Variants in PCDH15 observed in about 807,000 individuals in gnomAD.
PCDH15 encodes the protein protocadherin related 15, also known as protocadherin-15.
In PCDH15, 129 loss-of-function variants were observed where a neutral mutation model predicts 178.5. That is an observed-to-expected ratio of 0.72 (90% CI 0.63 to 0.84). PCDH15 has a LOEUF of 0.84. Ranked by LOEUF, PCDH15 falls within the 40% of genes least tolerant of loss-of-function variation. PCDH15 has a pLI of 0.00. For synonymous variants in PCDH15, 800 were observed against 732.0 expected (o/e 1.09, Z -1.50); for missense variants, 2,230 against 2,099.9 (o/e 1.06, Z -1.21).
chr10:54,515,793 C>A (rs190400573), intron 3 of PCDH15, among the ~76,000 whole-genome samples: 82 of 152,292 alleles, frequency 5.4e-4, no homozygotes, highest in Non-Finnish European at 9.0e-4. Context: ...TTCCAGAGGA[C>A]CCATCAGGCA....
At chr10:55,200,427 T>A (rs1840212930) in intron 1 of PCDH15, among the ~76,000 whole-genome samples, 1 of 152,114 alleles carries the variant, frequency 6.6e-6, no homozygotes, top group Non-Finnish European at 1.5e-5. Flanking sequence ...CCTCATTGTA[T>A]CATGGAAGTA....
At chr10:54,906,641 C>G (rs2131830366) in intron 2 of PCDH15, among the ~76,000 whole-genome samples, 1 of 152,188 alleles carries the variant, frequency 6.6e-6, no homozygotes, top group Admixed American at 6.5e-5. Flanking sequence ...ATCTCCGTGT[C>G]AGTTTGCTTG....
intron 18 of PCDH15, among the ~76,000 whole-genome samples, chr10:54,046,931 G>A (rs946795373): frequency 1.2e-4 from 19 of 152,008 alleles, no homozygotes; most frequent in Admixed American, 5.9e-4. Flanking sequence ...TAAAGTCCAC[G>A]TAAGTAATTG....
At chr10:54,039,097 G>A (rs1455108063) in intron 18 of PCDH15, among the ~76,000 whole-genome samples, 1 of 151,776 alleles carries the variant, frequency 6.6e-6, no homozygotes, top group East Asian at 1.9e-4. Flanking sequence ...ACCCAGTATG[G>A]CAGTTATTAT....
intron 13 of PCDH15, among the ~76,000 whole-genome samples, chr10:54,169,683 A>G (rs188940727): frequency 0.34 from 51,767 of 150,148 alleles, 9,766 homozygotes; most frequent in African/African-American, 0.49. Flanking sequence ...CTTGGCGACC[A>G]ATCATGCACC....
At chr10:54,185,990 G>A (rs1363256067) in intron 11 of PCDH15, among the ~76,000 whole-genome samples, 1 of 152,026 alleles carries the variant, frequency 6.6e-6, no homozygotes, top group Non-Finnish European at 1.5e-5. Context: ...AATCAACTTA[G>A]CATTGAAGAC....
intron 14 of PCDH15, among the ~76,000 whole-genome samples, chr10:54,137,985 G>T (rs1230248352): frequency 3.9e-5 from 6 of 152,068 alleles, no homozygotes; most frequent in African/African-American, 1.4e-4. Context: ...CCCCACAGCA[G>T]CTACCCCCAA....
chr10:55,332,211 A>G (rs566941239), intron 2 of PCDH15, among the ~76,000 whole-genome samples: 1 of 152,060 alleles, frequency 6.6e-6, no homozygotes, highest in Non-Finnish European at 1.5e-5. Context: ...TGATAAAGAT[A>G]TATGTCTTTT....
chr10:55,470,211 T>G (rs1377965214), intron 2 of PCDH15, among the ~76,000 whole-genome samples: 1 of 151,822 alleles, frequency 6.6e-6, no homozygotes, highest in Non-Finnish European at 1.5e-5. Flanking sequence ...ATTAGCCAGG[T>G]GAGGTGGTTT....
Position 55,336,794 on chromosome 10 carries a change from TCTGAAGG to T in PCDH15, c.-155-170150_-155-170144del, listed in dbSNP as rs1207769303. On this transcript the variant is annotated intron_variant, in intron 2 of 5. Transcript: ENST00000613346. Reference sequence around the variant, plus strand: ...AAACATAGCTTTCCGTTTCTTCATTTCTGAAGGCTCCCGTGTTACTTAAAGCTTGTAC... The same window carrying T: ...AAACATAGCTTTCCGTTTCTTCATTTCTCCCGTGTTACTTAAAGCTTGTAC... Among the ~76,000 whole-genome samples the T allele has an allele frequency of 2.6e-4, 40 of 152,318 alleles. No homozygotes were observed. In the South Asian group the frequency reaches 7.0e-3, roughly 27 times the overall value.
intron 2 of PCDH15, among the ~76,000 whole-genome samples, chr10:54,641,626 G>A (rs2093990994): frequency 6.6e-6 from 1 of 151,734 alleles, no homozygotes; most frequent in South Asian, 2.1e-4. Context: ...GTATCTGTGT[G>A]CATGCACATT....
rs1039147349 is a variant in PCDH15 at position 53,942,577 on chromosome 10, C to G, written c.3123-1602G>C. On this transcript the variant is annotated intron_variant, in intron 23 of 37. Coordinates refer to ENST00000644397, the MANE Select transcript of PCDH15 (RefSeq NM_001384140.1). ...CCCTCACTGGATTTGATGAAGTAAG[C>G]TGCCATATGGAGCAGTCCTCGTGGC... Among the ~76,000 whole-genome samples, 6 of 152,336 alleles carry G rather than the reference C, an allele frequency of 3.9e-5. No individual in the cohort carries two copies. In the East Asian group the frequency reaches 1.2e-3, roughly 29 times the overall value.
At chr10:54,261,120 A>G (rs1564812295) in intron 8 of PCDH15, among the ~76,000 whole-genome samples, 1 of 152,186 alleles carries the variant, frequency 6.6e-6, no homozygotes, top group Admixed American at 6.5e-5. Context: ...TTGTTAGGAT[A>G]AAAAACTGTT....
At chr10:55,201,586 G>T (rs1591985807) in intron 1 of PCDH15, among the ~76,000 whole-genome samples, 1 of 152,296 alleles carries the variant, frequency 6.6e-6, no homozygotes, top group Non-Finnish European at 1.5e-5. Context: ...TGTTGTGGAT[G>T]CTTTGGCAGA....
intron 4 of PCDH15, among the ~76,000 whole-genome samples, chr10:54,373,123 G>C (rs1017133914): frequency 6.6e-6 from 1 of 151,836 alleles, no homozygotes; most frequent in African/African-American, 2.4e-5. Context: ...TAGCAGTTTA[G>C]ATTATAGCAC....
intron 2 of PCDH15, among the ~76,000 whole-genome samples, chr10:54,575,058 C>A: frequency 7.2e-6 from 1 of 138,252 alleles, no homozygotes; most frequent in African/African-American, 2.7e-5. Context: ...GAACAAAAAA[C>A]CAAGCACCAC....
intron 28 of PCDH15, among the ~76,000 whole-genome samples, chr10:53,856,953 A>G (rs2078787277): frequency 6.6e-6 from 1 of 152,030 alleles, no homozygotes; most frequent in South Asian, 2.1e-4. Flanking sequence ...CTCCAAAAGG[A>G]GGGAGGATGG....
chr10:55,567,562 G>A (rs540828360), intron 2 of PCDH15, among the ~76,000 whole-genome samples: 1 of 151,766 alleles, frequency 6.6e-6, no homozygotes, highest in East Asian at 1.9e-4. Flanking sequence ...TTAATATTCA[G>A]AATATACAGA....
Position 54,289,333 on chromosome 10 carries a change from G to A in PCDH15, c.876+27938C>T, listed in dbSNP as rs150895484. ...GAATAGCATCAACATCAACAAAGCA[G>A]AAAGGAATAGCATCAACATCAACAA... On this transcript the variant is annotated intron_variant, in intron 8 of 37. Transcript: ENST00000644397. Among the ~76,000 whole-genome samples, 137 of 152,290 alleles carry A rather than the reference G, an allele frequency of 9.0e-4. 1 individual carries two copies. In the East Asian group the frequency reaches 0.024, roughly 27 times the overall value.
Sources: allele counts gnomAD v4.1 joint callset (sites outside exome capture counted in the v4.1 genomes callset), GRCh38; gene constraint gnomAD v4.1.1; transcripts MANE v1.5; gene names NCBI Gene and HGNC (gene_info 2026-07-23, HGNC 2026-07-21).